Variants in ZNF678 observed in about 807,000 individuals in gnomAD.
ZNF678 encodes the protein zinc finger protein 678, also known as hypothetical protein MGC42493.
A neutral mutation model predicts 3.0 loss-of-function variants in ZNF678; 5 were observed. That is an observed-to-expected ratio of 1.69 (90% CI 0.88 to 3.56). The LOEUF is 3.56. Among genes scored for constraint, ZNF678 ranks in the 30% most tolerant of loss-of-function variants. The probability of loss-of-function intolerance (pLI) is 0.00; values close to 1 mark genes in which losing one functional copy is unlikely to be tolerated. For missense variants in ZNF678, 593 were observed against 605.0 expected, an observed-to-expected ratio of 0.98 and a Z score of 0.21; for synonymous variants, 218 against 199.6, an observed-to-expected ratio of 1.09 and a Z score of -0.78.
At chr1:227,637,627 G>T (rs1020713916) in intron 1 of ZNF678, among the ~76,000 whole-genome samples, 30 of 152,098 alleles carry the variant, frequency 2.0e-4, no homozygotes, top group African/African-American at 7.2e-4. Context: ...GAGGACGGGG[G>T]CCTGAAATGA....
chr1:227,664,922 G>C (rs966858971), downstream of ZNF678, among the ~76,000 whole-genome samples: 4 of 152,152 alleles, frequency 2.6e-5, no homozygotes, highest in Non-Finnish European at 4.4e-5. Flanking sequence ...CCCCTACGGA[G>C]ACTGGACGCA....
chr1:227,660,820 A>G lies in ZNF678; in HGVS notation c.*4992A>G, dbSNP rs1051346166. On this transcript the variant is annotated 3_prime_UTR_variant, in exon 4 of 4. Coordinates refer to ENST00000343776, the MANE Select transcript of ZNF678 (RefSeq NM_001367909.1). ...GGCTTACAACTTTTGAAGGTTTAGC[A>G]TGATGTCAGATGTCCATTTGTCATA... 3 of 152,228 alleles carry G rather than the reference A, an allele frequency of 2.0e-5. No individual in the cohort carries two copies. Among genetic ancestry groups the G allele is most frequent in the Non-Finnish European group, 4.4e-5 (3 of 68,036 alleles). The allele number at this position is 152,228 out of a possible 1,614,324, so 9.4% of individuals were successfully genotyped here. A position where few individuals can be genotyped will look rare whatever the true frequency, so the allele number is the denominator to read the frequency against.
At chr1:227,644,528 T>C (rs912597415) in intron 1 of ZNF678, among the ~76,000 whole-genome samples, 2 of 152,196 alleles carry the variant, frequency 1.3e-5, no homozygotes, top group East Asian at 1.9e-4. Flanking sequence ...GCTAAGAGTA[T>C]TGTGTAAAGG....
chr1:227,670,745 T>C (rs1178877805), intron 5 of ZNF678, among the ~76,000 whole-genome samples: 6 of 152,208 alleles, frequency 3.9e-5, no homozygotes, highest in Non-Finnish European at 8.8e-5. Context: ...TCTATCCAGC[T>C]CTGTGAAGGG....
chr1:227,647,097 A>AC, intron 2 of ZNF678, among the ~76,000 whole-genome samples: 1 of 142,816 alleles, frequency 7.0e-6, no homozygotes, highest in African/African-American at 2.6e-5. Flanking sequence ...TACTAAAAAT[A>AC]CAAAAAAAAA....
At chr1:227,629,346 T>A (rs1334296779) in intron 1 of ZNF678, among the ~76,000 whole-genome samples, 1 of 152,232 alleles carries the variant, frequency 6.6e-6, no homozygotes, top group Non-Finnish European at 1.5e-5. Flanking sequence ...GTGTTCCTTC[T>A]CCTATGTTCA....
intron 2 of ZNF678, among the ~76,000 whole-genome samples, chr1:227,647,459 C>G (rs531584505): frequency 6.6e-6 from 1 of 152,240 alleles, no homozygotes; most frequent in Admixed American, 6.5e-5. Context: ...CTTGCTGTGT[C>G]TAATCCAGAC....
chr1:227,579,411 G>C (rs1416315378), intron 1 of ZNF678, among the ~76,000 whole-genome samples: 1 of 152,106 alleles, frequency 6.6e-6, no homozygotes, highest in African/African-American at 2.4e-5. Flanking sequence ...TTAGTGCAAG[G>C]GTGGGGTGCT....
At chr1:227,614,907 C>T (rs374033935) in intron 1 of ZNF678, among the ~76,000 whole-genome samples, 155 of 152,320 alleles carry the variant, frequency 1.0e-3, no homozygotes, top group African/African-American at 3.6e-3. Context: ...TGTGTTTTTT[C>T]ACTAGTTTTT....
chr1:227,601,626 G>A (rs1397382093), intron 1 of ZNF678, among the ~76,000 whole-genome samples: 1 of 151,974 alleles, frequency 6.6e-6, no homozygotes, highest in African/African-American at 2.4e-5. Flanking sequence ...GTGCAGTGGT[G>A]CAATCTTGGC....
intron 5 of ZNF678, among the ~76,000 whole-genome samples, chr1:227,669,464 G>A (rs369262008): frequency 5.4e-5 from 8 of 148,350 alleles, no homozygotes; most frequent in Admixed American, 2.0e-4. Context: ...GTGAAACCCC[G>A]TCTCTACTAA....
At position 227,658,344 on chromosome 1, in the gene ZNF678, A is replaced by T. The variant is rs1659304555; in HGVS notation, c.*2516A>T. On this transcript the variant is annotated 3_prime_UTR_variant, in exon 4 of 4. Transcript: ENST00000343776. ...CCTGGGGGTATAATAGATGCTCTAT[A>T]ATTAGCAGTAAATATTCTTGTTTAA... is the stretch of plus-strand genomic sequence containing the variant. The T allele has an allele frequency of 6.6e-6, 1 of 152,082 alleles. No individual in the cohort carries two copies. Among genetic ancestry groups the T allele is most frequent in the Admixed American group, 6.6e-5 (1 of 15,238 alleles). The allele number at this position is 152,082 out of a possible 1,614,324, so 9.4% of individuals were successfully genotyped here.
chr1:227,625,674 C>A (rs528950007), intron 1 of ZNF678, among the ~76,000 whole-genome samples: 1 of 152,022 alleles, frequency 6.6e-6, no homozygotes, highest in Non-Finnish European at 1.5e-5. Flanking sequence ...AATAGGCTTA[C>A]CGGGTGAGTA....
At position 227,655,750 on chromosome 1, in the gene ZNF678, A is replaced by G. The variant is rs1659230220; in HGVS notation, c.1500A>G (p.Gln500=). 1.2e-6 allele frequency: 2 copies of G among 1,611,690 alleles called. No homozygotes were observed. The highest frequency in any genetic ancestry group is 1.7e-6 in the Non-Finnish European group (2 of 1,178,754). ...KCKECGKGFY[Q]SSIHSKYKRI... ...AAGAATGTGGAAAAGGTTTTTACCAATCCTCAATCCATAGTAAGTATAAGA... is the reference window on the plus strand; with the variant it reads ...AAGAATGTGGAAAAGGTTTTTACCAGTCCTCAATCCATAGTAAGTATAAGA... Residue 500 remains glutamine, a synonymous_variant, in exon 4 of 4, where the codon CAA becomes CAG. Coordinates refer to ENST00000343776, the MANE Select transcript of ZNF678 (RefSeq NM_001367909.1).
At chr1:227,586,992 A>G (rs1571866961) in intron 1 of ZNF678, among the ~76,000 whole-genome samples, 1 of 152,324 alleles carries the variant, frequency 6.6e-6, no homozygotes, top group East Asian at 1.9e-4. Flanking sequence ...TGAGAATGGA[A>G]GACAGAGCCC....
intron 3 of ZNF678, among the ~76,000 whole-genome samples, 190 bp downstream of exon 3, chr1:227,651,266 C>T (rs1659086603): frequency 6.6e-6 from 1 of 152,106 alleles, no homozygotes; most frequent in African/African-American, 2.4e-5. Flanking sequence ...GAGTTGCCTT[C>T]AGCACTTTGA....
downstream of ZNF678, among the ~76,000 whole-genome samples, chr1:227,666,469 A>G (rs187436467): frequency 6.6e-6 from 1 of 152,336 alleles, no homozygotes; most frequent in East Asian, 1.9e-4. Context: ...TCCTCTGGGA[A>G]CTAAACTGTT....
chr1:227,671,261 G>A (rs1239227083), intron 5 of ZNF678, among the ~76,000 whole-genome samples: 2 of 151,376 alleles, frequency 1.3e-5, no homozygotes, highest in African/African-American at 4.9e-5. Context: ...AAAAAAAATT[G>A]TAGAGACAGG....
chr1:227,654,407 C>T lies in ZNF678; in HGVS notation c.157C>T (p.Leu53=), dbSNP rs367843316. Residue 53 remains leucine, a synonymous_variant, in exon 4 of 4, where the codon CTG becomes TTG. Coordinates refer to ENST00000343776, the MANE Select transcript of ZNF678 (RefSeq NM_001367909.1). ...DMKDLCQKVT[L]TRHRSWGLDN... Reference sequence around the variant, plus strand: ...GAAAGATTTATGCCAAAAAGTGACACTGACAAGACATAGAAGCTGGGGCCT... The same window carrying T: ...GAAAGATTTATGCCAAAAAGTGACATTGACAAGACATAGAAGCTGGGGCCT... The T allele has an allele frequency of 1.9e-5, 30 of 1,609,602 alleles. No homozygotes were observed. Among genetic ancestry groups the T allele is most frequent in the African/African-American group, 4.0e-5 (3 of 74,636 alleles).
Sources: gnomAD v4.1 joint callset for allele counts (sites outside exome capture counted in the v4.1 genomes callset) on GRCh38, gnomAD v4.1.1 for gene constraint, MANE v1.5 for transcripts, NCBI Gene and HGNC (gene_info 2026-07-23, HGNC 2026-07-21) for gene names.